CTNNA3: variants seen among roughly 807,000 people sequenced by gnomAD.
CTNNA3 encodes catenin alpha-3.
In CTNNA3, 76 loss-of-function variants were observed where a neutral mutation model predicts 95.7. The ratio of observed to expected loss-of-function variants is 0.79; its 90% CI spans 0.66 to 0.96. The LOEUF is 0.96. Among genes scored for constraint, CTNNA3 ranks in the 40% least tolerant of loss-of-function variants. CTNNA3 has a pLI of 0.00. For synonymous variants in CTNNA3, 431 were observed against 374.4 expected, an observed-to-expected ratio of 1.15 and a Z score of -1.74; for missense variants, 1,191 against 1,089.8, an observed-to-expected ratio of 1.09 and a Z score of -1.31.
chr10:66,408,037 T>C (rs2093071809), intron 11 of CTNNA3, among the ~76,000 whole-genome samples: 1 of 152,210 alleles, frequency 6.6e-6, no homozygotes, highest in East Asian at 1.9e-4. Flanking sequence ...AATGGCATAG[T>C]ATTTGCAAAT....
intron 13 of CTNNA3, among the ~76,000 whole-genome samples, chr10:66,111,191 G>A (rs1019635202): frequency 3.9e-5 from 6 of 152,070 alleles, no homozygotes; most frequent in Admixed American, 6.5e-5. Context: ...GTTTCCATGA[G>A]ATCTATTTAA....
chr10:66,858,242 G>A (rs1843759930), intron 7 of CTNNA3, among the ~76,000 whole-genome samples: 1 of 152,054 alleles, frequency 6.6e-6, no homozygotes, highest in African/African-American at 2.4e-5. Flanking sequence ...TTGCATCCCA[G>A]GGATAATGCC....
At chr10:67,043,192 C>T (rs1224540429) in intron 7 of CTNNA3, among the ~76,000 whole-genome samples, 2 of 147,212 alleles carry the variant, frequency 1.4e-5, no homozygotes, top group African/African-American at 5.0e-5. Context: ...ACTTTTCTCC[C>T]TATAGCTCAC....
At chr10:65,985,053 T>C (rs2078400037) in intron 16 of CTNNA3, among the ~76,000 whole-genome samples, 1 of 151,242 alleles carries the variant, frequency 6.6e-6, no homozygotes, top group South Asian at 2.1e-4. Context: ...TGTTCTTTAT[T>C]ATTAGGAATG....
chr10:66,406,518 A>T (rs989446007), intron 11 of CTNNA3, among the ~76,000 whole-genome samples: 2 of 152,226 alleles, frequency 1.3e-5, no homozygotes, highest in African/African-American at 4.8e-5. Flanking sequence ...AACTATATGA[A>T]GAAAAGTCTT....
intron 5 of CTNNA3, among the ~76,000 whole-genome samples, chr10:67,400,970 T>A (rs1844895949): frequency 6.6e-6 from 1 of 152,232 alleles, no homozygotes; most frequent in Admixed American, 6.5e-5. Flanking sequence ...GATCCTGGAC[T>A]AAGTGTTGTG....
At chr10:67,279,096 G>C (rs978847491) in intron 5 of CTNNA3, among the ~76,000 whole-genome samples, 1 of 152,066 alleles carries the variant, frequency 6.6e-6, no homozygotes, top group Non-Finnish European at 1.5e-5. Context: ...GCAGTAATCA[G>C]AAAAACTGAC....
chr10:66,765,390 A>T (rs1313791041), intron 9 of CTNNA3, among the ~76,000 whole-genome samples: 2 of 152,202 alleles, frequency 1.3e-5, no homozygotes, highest in African/African-American at 4.8e-5. Flanking sequence ...CAAAACATTT[A>T]ATAACCCATA....
At chr10:67,603,355 T>C (rs1355281525) in intron 3 of CTNNA3, among the ~76,000 whole-genome samples, 1 of 152,202 alleles carries the variant, frequency 6.6e-6, no homozygotes, top group Admixed American at 6.5e-5. Flanking sequence ...AAAACTCCTA[T>C]TGCCTAGTGA....
chr10:66,330,485 G>A (rs978311736), intron 12 of CTNNA3, among the ~76,000 whole-genome samples: 3 of 152,130 alleles, frequency 2.0e-5, no homozygotes, highest in East Asian at 3.9e-4. Flanking sequence ...GGACATTTGG[G>A]TTGGTTCCAA....
At chr10:66,939,497 ATTTGTATTCAACTCT>A (rs1589454508) in intron 7 of CTNNA3, among the ~76,000 whole-genome samples, 1 of 152,298 alleles carries the variant, frequency 6.6e-6, no homozygotes. Flanking sequence ...GAAAAATTCT[ATTTGTATTCAACTCT>A]TTTGTTTGGG....
chr10:66,956,961 T>C (rs1848823345), intron 7 of CTNNA3, among the ~76,000 whole-genome samples: 1 of 152,196 alleles, frequency 6.6e-6, no homozygotes, highest in Non-Finnish European at 1.5e-5. Flanking sequence ...TGGCTTTGCT[T>C]TGGGGAAAGA....
intron 15 of CTNNA3, among the ~76,000 whole-genome samples, chr10:66,028,172 G>A (rs1180185830): frequency 2.6e-5 from 4 of 152,164 alleles, no homozygotes; most frequent in South Asian, 2.1e-4. Flanking sequence ...TGCAACCATC[G>A]TGGAAGTCAG....
At chr10:66,359,285 T>C (rs2092635757) in intron 12 of CTNNA3, among the ~76,000 whole-genome samples, 1 of 152,158 alleles carries the variant, frequency 6.6e-6, no homozygotes, top group African/African-American at 2.4e-5. Flanking sequence ...TTGCACTTAC[T>C]TTCAGGGATT....
chr10:66,248,040 G>T (rs981928238), intron 13 of CTNNA3, among the ~76,000 whole-genome samples: 2 of 151,882 alleles, frequency 1.3e-5, no homozygotes, highest in African/African-American at 2.4e-5. Flanking sequence ...AAATAATAAA[G>T]GATTACATCT....
chr10:67,579,022 TATATATATATAC>T (rs1252562188), intron 3 of CTNNA3, among the ~76,000 whole-genome samples: 1,892 of 88,862 alleles, frequency 0.021, 16 homozygotes, highest in East Asian at 0.088. Flanking sequence ...TATATATATA[TATATATATATAC>T]ACACACACAC....
At chr10:66,855,078 A>T (rs1843638919) in intron 7 of CTNNA3, among the ~76,000 whole-genome samples, 1 of 151,950 alleles carries the variant, frequency 6.6e-6, no homozygotes, top group Non-Finnish European at 1.5e-5. Context: ...ATTATATTGA[A>T]TAACAGGCTA....
chr10:67,653,808 G>C (rs1270976820), intron 1 of CTNNA3, among the ~76,000 whole-genome samples: 1 of 151,950 alleles, frequency 6.6e-6, no homozygotes, highest in Non-Finnish European at 1.5e-5. Context: ...GTGTCCATGG[G>C]GCCAAGATGA....
chr10:67,384,551 C>T (rs1368721743), intron 5 of CTNNA3, among the ~76,000 whole-genome samples: 1 of 152,214 alleles, frequency 6.6e-6, no homozygotes, highest in Non-Finnish European at 1.5e-5. Flanking sequence ...ACACCACCCA[C>T]TAAAATAACA....
Sources: allele counts gnomAD v4.1 joint callset (sites outside exome capture counted in the v4.1 genomes callset), GRCh38; gene constraint gnomAD v4.1.1; transcripts MANE v1.5; gene names NCBI Gene and HGNC (gene_info 2026-07-23, HGNC 2026-07-21).